The following LYPLAL1 variants were observed in gnomAD, a reference collection of about 807,000 sequenced individuals.
LYPLAL1 encodes lysophospholipase-like protein 1.
A neutral mutation model predicts 19.7 loss-of-function variants in LYPLAL1; 23 were observed. The ratio of observed to expected loss-of-function variants is 1.17; its 90% CI spans 0.84 to 1.65. LYPLAL1 has a LOEUF of 1.65. Among genes scored for constraint, LYPLAL1 ranks in the 40% most tolerant of loss-of-function variants. The probability of loss-of-function intolerance (pLI) is 0.00; values close to 1 mark genes in which losing one functional copy is unlikely to be tolerated. For missense variants in LYPLAL1, 355 were observed against 279.4 expected, an observed-to-expected ratio of 1.27 and a Z score of -1.93; for synonymous variants, 119 against 96.3, an observed-to-expected ratio of 1.24 and a Z score of -1.38.
the LYPLAL1 span, among the ~76,000 whole-genome samples, chr1:219,358,528 G>T: frequency 6.6e-6 from 1 of 152,100 alleles, no homozygotes; most frequent in Non-Finnish European, 1.5e-5. Context: ...CCACCAGGCT[G>T]GGGAGGCCTC....
chr1:219,204,648 T>C (rs1658401773), intron 3 of LYPLAL1, among the ~76,000 whole-genome samples: 1 of 152,218 alleles, frequency 6.6e-6, no homozygotes, highest in African/African-American at 2.4e-5. Flanking sequence ...CTGAAGTTGT[T>C]TTTATATACA....
At chr1:219,424,849 C>T in the LYPLAL1 span, among the ~76,000 whole-genome samples, 1 of 152,136 alleles carries the variant, frequency 6.6e-6, no homozygotes, top group Admixed American at 6.5e-5. Context: ...ACTTTGACCT[C>T]TCTATCCCTG....
the LYPLAL1 span, among the ~76,000 whole-genome samples, chr1:219,245,842 A>C: frequency 1.3e-5 from 2 of 152,182 alleles, no homozygotes; most frequent in Admixed American, 6.5e-5. Context: ...ATTAATATAA[A>C]ATTCGACCCA....
chr1:219,395,492 AG>A, the LYPLAL1 span, among the ~76,000 whole-genome samples: 2 of 152,020 alleles, frequency 1.3e-5, no homozygotes, highest in Admixed American at 1.3e-4. Context: ...TGTATATTTA[AG>A]TTCCTTATAA....
At chr1:219,431,383 G>A in the LYPLAL1 span, among the ~76,000 whole-genome samples, 2 of 152,314 alleles carry the variant, frequency 1.3e-5, no homozygotes, top group Non-Finnish European at 2.9e-5. Context: ...TTTGCAATTA[G>A]AGAGTTACTT....
At chr1:219,436,522 C>T in the LYPLAL1 span, among the ~76,000 whole-genome samples, 1 of 152,062 alleles carries the variant, frequency 6.6e-6, no homozygotes. Flanking sequence ...TCTGCCTGCC[C>T]GGAGCTTAGT....
At chr1:219,440,651 GAGTT>G in the LYPLAL1 span, among the ~76,000 whole-genome samples, 12 of 152,258 alleles carry the variant, frequency 7.9e-5, no homozygotes, top group East Asian at 1.2e-3. Flanking sequence ...TTTGACCAGT[GAGTT>G]ATTTAACTAT....
intron 3 of LYPLAL1, among the ~76,000 whole-genome samples, chr1:219,198,098 G>A (rs1657758754): frequency 1.3e-5 from 2 of 152,072 alleles, no homozygotes; most frequent in Admixed American, 1.3e-4. Flanking sequence ...AGAAAAAGAT[G>A]ATTTTTAAAA....
At chr1:219,184,740 T>C (rs1009068456) in intron 2 of LYPLAL1, among the ~76,000 whole-genome samples, 7 of 151,956 alleles carry the variant, frequency 4.6e-5, no homozygotes, top group African/African-American at 1.4e-4. Context: ...ATTACATTAA[T>C]GGATTTCCAA....
chr1:219,259,119 G>A, the LYPLAL1 span, among the ~76,000 whole-genome samples: 1 of 151,964 alleles, frequency 6.6e-6, no homozygotes, highest in Non-Finnish European at 1.5e-5. Flanking sequence ...AAAAATAGGT[G>A]TTGGTGTGGA....
At chr1:219,419,594 C>CAGAGAGAGAGAGAG in the LYPLAL1 span, among the ~76,000 whole-genome samples, 81 of 99,592 alleles carry the variant, frequency 8.1e-4, no homozygotes, top group African/African-American at 3.1e-3. Context: ...CACACACACA[C>CAGAGAGAGAGAGAG]AGAGAGAGAG....
At chr1:219,402,643 C>CAAAAAA in the LYPLAL1 span, among the ~76,000 whole-genome samples, 1 of 101,658 alleles carries the variant, frequency 9.8e-6, no homozygotes. Flanking sequence ...TACCAGAAAC[C>CAAAAAA]AAAAAAAAAA....
the LYPLAL1 span, among the ~76,000 whole-genome samples, chr1:219,315,709 TG>T: frequency 1.3e-5 from 2 of 152,152 alleles, no homozygotes; most frequent in African/African-American, 4.8e-5. Context: ...TATGAACTGT[TG>T]GGAGTTCTGG....
chr1:219,227,375 T>G, the LYPLAL1 span, among the ~76,000 whole-genome samples: 1 of 152,202 alleles, frequency 6.6e-6, no homozygotes, highest in Admixed American at 6.5e-5. Context: ...CGATATTGTG[T>G]TTTTCCTGGC....
At chr1:219,333,148 C>G in the LYPLAL1 span, among the ~76,000 whole-genome samples, 1 of 151,992 alleles carries the variant, frequency 6.6e-6, no homozygotes, top group East Asian at 1.9e-4. Context: ...TAGACTGGGA[C>G]CCTTCGTATA....
At chr1:219,280,783 C>T in the LYPLAL1 span, among the ~76,000 whole-genome samples, 1 of 152,188 alleles carries the variant, frequency 6.6e-6, no homozygotes, top group Non-Finnish European at 1.5e-5. Context: ...CATGGTGGCT[C>T]ATGCCTGTAA....
At chr1:219,349,468 A>G in the LYPLAL1 span, among the ~76,000 whole-genome samples, 1 of 152,242 alleles carries the variant, frequency 6.6e-6, no homozygotes, top group Non-Finnish European at 1.5e-5. Flanking sequence ...TGAAGCATAA[A>G]ATAAGGGCAT....
chr1:219,310,532 G>T, the LYPLAL1 span, among the ~76,000 whole-genome samples: 1 of 152,124 alleles, frequency 6.6e-6, no homozygotes, highest in South Asian at 2.1e-4. Flanking sequence ...AAATGGGAAC[G>T]CTTTGAGGAT....
chr1:219,345,589 CACAA>C, the LYPLAL1 span, among the ~76,000 whole-genome samples: 1 of 152,172 alleles, frequency 6.6e-6, no homozygotes, highest in Non-Finnish European at 1.5e-5. Flanking sequence ...TTGGTGAGAA[CACAA>C]ACAGACTTTA....
Sources: gnomAD v4.1 joint callset for allele counts (sites outside exome capture counted in the v4.1 genomes callset) on GRCh38, gnomAD v4.1.1 for gene constraint, MANE v1.5 for transcripts, NCBI Gene and HGNC (gene_info 2026-07-23, HGNC 2026-07-21) for gene names.